IL20RA: variants seen among roughly 807,000 people sequenced by gnomAD.
IL20RA encodes the protein interleukin-20 receptor subunit alpha.
A neutral mutation model predicts 36.5 loss-of-function variants in IL20RA; 29 were observed. The observed-to-expected ratio is 0.79, with a 90% confidence interval of 0.59 to 1.08. The LOEUF (loss-of-function observed/expected upper bound fraction) is 1.08, where lower values mean the gene tolerates loss of function less well. Among genes scored for constraint, IL20RA ranks in the 50% least tolerant of loss-of-function variants. IL20RA has a pLI of 0.00. For missense variants in IL20RA, 652 were observed against 668.4 expected, an observed-to-expected ratio of 0.98 and a Z score of 0.27; for synonymous variants, 279 against 267.1, an observed-to-expected ratio of 1.04 and a Z score of -0.43.
intron 1 of IL20RA, chr6:137,044,371 C>T: frequency 9.4e-7 from 1 of 1,066,804 alleles, no homozygotes; most frequent in Middle Eastern, 3.9e-4. Flanking sequence ...TCCCCCCACC[C>T]CACCTCAATT....
chr6:137,040,073 C>A (rs1402530056), intron 1 of IL20RA, among the ~76,000 whole-genome samples: 1 of 152,112 alleles, frequency 6.6e-6, no homozygotes, highest in African/African-American at 2.4e-5. Flanking sequence ...ACACGTTTTT[C>A]TCATAAGAGC....
chr6:137,027,089 C>T (rs959593364), intron 1 of IL20RA, among the ~76,000 whole-genome samples: 4 of 152,138 alleles, frequency 2.6e-5, no homozygotes, highest in African/African-American at 7.2e-5. Flanking sequence ...ACCATGTTGG[C>T]CAGGCTGGCC....
At chr6:137,007,476 T>C (rs566742995) in intron 5 of IL20RA, among the ~76,000 whole-genome samples, 25 of 152,208 alleles carry the variant, frequency 1.6e-4, no homozygotes, top group Non-Finnish European at 3.2e-4. Context: ...GTCGTCGGCC[T>C]CTGTCTCTAG....
intron 1 of IL20RA, among the ~76,000 whole-genome samples, chr6:137,043,526 T>C (rs1776778606): frequency 6.6e-6 from 1 of 152,258 alleles, no homozygotes; most frequent in Non-Finnish European, 1.5e-5. Flanking sequence ...AAAATAACTA[T>C]AATTTCTGAT....
chr6:137,011,172 G>A, intron 3 of IL20RA, 102 bp downstream of exon 3: 1 of 938,276 alleles, frequency 1.1e-6, no homozygotes, highest in South Asian at 1.7e-5. Context: ...ATACAGCCAA[G>A]CAGAGTACCT....
At chr6:137,013,663 G>A (rs1289023171) in intron 2 of IL20RA, among the ~76,000 whole-genome samples, 1 of 152,132 alleles carries the variant, frequency 6.6e-6, no homozygotes, top group East Asian at 1.9e-4. Flanking sequence ...TGCATTAATT[G>A]TTTTGGTGGA....
intron 1 of IL20RA, chr6:137,044,148 G>A: frequency 1.0e-6 from 1 of 985,832 alleles, no homozygotes; most frequent in Non-Finnish European, 1.2e-6. Context: ...CTTTCGGGGA[G>A]TTTGGCTTTT....
chr6:137,030,283 T>C (rs76850648), intron 1 of IL20RA, among the ~76,000 whole-genome samples: 11,019 of 151,812 alleles, frequency 0.073, 1,338 homozygotes, highest in African/African-American at 0.25. Context: ...CGGGGTCTCA[T>C]TAATGTTGCC....
At chr6:137,038,210 T>TTTTTTTTTC (rs1776558236) in intron 1 of IL20RA, 1 of 107,346 alleles carries the variant, frequency 9.3e-6, no homozygotes, top group Non-Finnish European at 2.0e-5. Flanking sequence ...TTCTCCTTTT[T>TTTTTTTTTC]TTTTTTTTTT....
chr6:137,028,413 C>G (rs1776166285), intron 1 of IL20RA, among the ~76,000 whole-genome samples: 1 of 46,526 alleles, frequency 2.1e-5, no homozygotes, highest in Admixed American at 3.4e-4. Flanking sequence ...GAGACTCCAT[C>G]TAAAAAAAAA....
intron 3 of IL20RA, 140 bp from the exon 4 acceptor site, chr6:137,009,632 G>C (rs1475750793): frequency 9.1e-6 from 5 of 549,102 alleles, no homozygotes; most frequent in African/African-American, 5.6e-5. Flanking sequence ...TTGAGATGGA[G>C]TCTTGCCCCC....
chr6:137,008,453 G>A (rs1775349380), intron 5 of IL20RA, 146 bp downstream of exon 5: 2 of 759,434 alleles, frequency 2.6e-6, no homozygotes, highest in Admixed American at 5.8e-5. Context: ...GCTGCTCCAC[G>A]CATTTCTGGT....
chr6:137,032,570 G>A (rs1776335836), intron 1 of IL20RA, among the ~76,000 whole-genome samples: 1 of 152,162 alleles, frequency 6.6e-6, no homozygotes, highest in Non-Finnish European at 1.5e-5. Flanking sequence ...TGTTTCGGTG[G>A]AAGCATTTGT....
chr6:137,022,407 T>C (rs1366525202), intron 1 of IL20RA, among the ~76,000 whole-genome samples: 1 of 152,228 alleles, frequency 6.6e-6, no homozygotes, highest in Non-Finnish European at 1.5e-5. Flanking sequence ...GGATTTCTAT[T>C]AATTTGAAAC....
intron 5 of IL20RA, among the ~76,000 whole-genome samples, chr6:137,006,558 G>C (rs1775288637): frequency 6.6e-6 from 1 of 152,146 alleles, no homozygotes; most frequent in African/African-American, 2.4e-5. Flanking sequence ...GGGGACGAGA[G>C]AGCAGAAATA....
intron 2 of IL20RA, among the ~76,000 whole-genome samples, chr6:137,014,903 T>C (rs1192731533): frequency 6.6e-6 from 1 of 152,228 alleles, no homozygotes; most frequent in African/African-American, 2.4e-5. Context: ...CTTTAGTTAG[T>C]GCTCCACCTC....
At chr6:137,026,382 G>C (rs1279643134) in intron 1 of IL20RA, among the ~76,000 whole-genome samples, 3 of 152,298 alleles carry the variant, frequency 2.0e-5, no homozygotes, top group East Asian at 3.9e-4. Context: ...AAGTGGAACA[G>C]CTTGAACTAC....
At chr6:137,006,331 G>A (rs1035218811) in intron 5 of IL20RA, among the ~76,000 whole-genome samples, 2 of 152,198 alleles carry the variant, frequency 1.3e-5, no homozygotes, top group Non-Finnish European at 2.9e-5. Flanking sequence ...ACACAGAGAC[G>A]TGCCAATGCT....
chr6:137,029,818 C>A (rs950482142), intron 1 of IL20RA, among the ~76,000 whole-genome samples: 11 of 152,050 alleles, frequency 7.2e-5, no homozygotes, highest in Non-Finnish European at 1.5e-4. Context: ...TCATTTTCAA[C>A]ACTAGTACTT....
Sources: allele counts gnomAD v4.1 joint callset (sites outside exome capture counted in the v4.1 genomes callset), GRCh38; gene constraint gnomAD v4.1.1; transcripts MANE v1.5; gene names NCBI Gene and HGNC (gene_info 2026-07-23, HGNC 2026-07-21).